Variants in EIF4E observed in about 807,000 individuals in gnomAD.
EIF4E encodes the protein eukaryotic translation initiation factor 4E.
For synonymous variants in EIF4E, 71 were observed against 88.5 expected (o/e 0.80, Z 1.11); for missense variants, 113 against 265.6 (o/e 0.43, Z 3.99).
rs138645913 is a variant in EIF4E, at chr4:98,881,138, C to T, written c.544G>A (p.Val182Ile). ...NREAVTHIGR[V>I]YKERLGLPPK... ...GGAAGTCCTAACCTTTCCTTGTATA[C>T]CCTCCTAGAAGAAAAAAAAAAAGAA... is the stretch of plus-strand genomic sequence containing the variant. Residue 182 changes from valine to isoleucine, a missense_variant, in exon 7 of 7, where the codon GTA becomes ATA. By Grantham distance (29) the Val-to-Ile change is conservative. Coordinates refer to ENST00000450253, the MANE Select transcript of EIF4E (RefSeq NM_001968.5). The T allele has an allele frequency of 2.7e-5, 44 of 1,610,168 alleles. No homozygotes were observed. The highest frequency in any genetic ancestry group is 3.6e-5 in the Non-Finnish European group (43 of 1,179,112).
intron 1 of EIF4E, among the ~76,000 whole-genome samples, chr4:98,919,987 C>G (rs766303860): frequency 3.9e-4 from 60 of 152,210 alleles, no homozygotes; most frequent in Non-Finnish European, 7.5e-4. Flanking sequence ...TCCAAATGCT[C>G]AATTACCATG....
At chr4:98,888,033 C>G in intron 3 of EIF4E, 81 bp from the exon 4 acceptor site, 1 of 1,173,394 alleles carries the variant, frequency 8.5e-7, no homozygotes, top group Non-Finnish European at 1.2e-6. Flanking sequence ...ACATTTAGAA[C>G]ATATGATGAA....
At chr4:98,917,326 C>G (rs759799975) in intron 1 of EIF4E, among the ~76,000 whole-genome samples, 25 of 152,040 alleles carry the variant, frequency 1.6e-4, no homozygotes, top group Non-Finnish European at 3.4e-4. Flanking sequence ...CCAAAGACCA[C>G]TCTCTTACTG....
At chr4:98,900,760 G>A (rs925840742) in intron 2 of EIF4E, among the ~76,000 whole-genome samples, 19 of 152,156 alleles carry the variant, frequency 1.2e-4, no homozygotes, top group African/African-American at 4.1e-4. Context: ...GGAAAGGAGT[G>A]GGAAGAGTTG....
intron 1 of EIF4E, 141 bp downstream of exon 1, chr4:98,928,954 G>A (rs766662779): frequency 6.3e-7 from 1 of 1,578,344 alleles, no homozygotes; most frequent in Admixed American, 1.8e-5. Flanking sequence ...ACTTGTCCGC[G>A]GGAGGTCAGG....
intron 1 of EIF4E, among the ~76,000 whole-genome samples, chr4:98,924,958 G>A (rs925175911): frequency 6.6e-6 from 1 of 152,168 alleles, no homozygotes; most frequent in African/African-American, 2.4e-5. Context: ...AATTTACGTG[G>A]ATTATCGAGG....
intron 1 of EIF4E, among the ~76,000 whole-genome samples, chr4:98,910,396 TTAATA>T (rs1244465719): frequency 1.1e-4 from 17 of 152,230 alleles, no homozygotes; most frequent in African/African-American, 4.1e-4. Context: ...TGCTTTTCAA[TTAATA>T]TAAAATGGCA....
At chr4:98,882,268 T>C (rs1246805216) in intron 6 of EIF4E, among the ~76,000 whole-genome samples, 1 of 151,878 alleles carries the variant, frequency 6.6e-6, no homozygotes, top group African/African-American at 2.4e-5. Flanking sequence ...GGCAGGTGCC[T>C]GTAGTCCCAG....
chr4:98,885,123 G>A (rs1359564477), intron 5 of EIF4E, 62 bp from the exon 6 acceptor site: 1 of 1,546,544 alleles, frequency 6.5e-7, no homozygotes, highest in African/African-American at 1.4e-5. Flanking sequence ...CACTGCAAAT[G>A]TCTCTTCTGT....
At chr4:98,883,455 G>A (rs1048380650) in intron 6 of EIF4E, among the ~76,000 whole-genome samples, 1 of 131,504 alleles carries the variant, frequency 7.6e-6, no homozygotes, top group Non-Finnish European at 1.5e-5. Flanking sequence ...CTGGAGCGCA[G>A]TGGCCCAATC....
intron 5 of EIF4E, among the ~76,000 whole-genome samples, chr4:98,885,849 GTACAACCATCCC>G (rs1243988751): frequency 2.0e-5 from 3 of 152,082 alleles, no homozygotes; most frequent in African/African-American, 7.2e-5. Flanking sequence ...CAACATTGTT[GTACAACCATCCC>G]TACTACCATC....
At chr4:98,886,745 T>C in intron 5 of EIF4E, 2 of 351,978 alleles carry the variant, frequency 5.7e-6, no homozygotes, top group Middle Eastern at 1.0e-3. Flanking sequence ...AAGTTTAGTA[T>C]ACATATAGCA....
chr4:98,899,312 T>A (rs1031939387), intron 2 of EIF4E, among the ~76,000 whole-genome samples: 2 of 152,156 alleles, frequency 1.3e-5, no homozygotes, highest in African/African-American at 2.4e-5. Flanking sequence ...CCACAAATCA[T>A]CAATATGAAA....
intron 5 of EIF4E, chr4:98,886,594 A>C (rs765158500): frequency 2.6e-6 from 1 of 378,992 alleles, no homozygotes; most frequent in Non-Finnish European, 5.2e-6. Context: ...ATGCACCTGT[A>C]GTCCCAGCTA....
At chr4:98,886,460 T>C in intron 5 of EIF4E, 1 of 446,044 alleles carries the variant, frequency 2.2e-6, no homozygotes. Context: ...ACACCTGTAA[T>C]TCCAGCACTT....
intron 1 of EIF4E, among the ~76,000 whole-genome samples, chr4:98,914,664 T>C (rs1018606964): frequency 2.9e-4 from 44 of 152,114 alleles, no homozygotes; most frequent in African/African-American, 1.0e-3. Context: ...TTTTTAGGGC[T>C]TAGTAAAATT....
At chr4:98,918,129 A>C (rs1193781847) in intron 1 of EIF4E, among the ~76,000 whole-genome samples, 1 of 151,744 alleles carries the variant, frequency 6.6e-6, no homozygotes, top group African/African-American at 2.4e-5. Flanking sequence ...TTGGGAGGCC[A>C]AAGTGGGTGG....
chr4:98,881,640 A>C (rs559964083), intron 6 of EIF4E, among the ~76,000 whole-genome samples: 1 of 152,306 alleles, frequency 6.6e-6, no homozygotes, highest in East Asian at 1.9e-4. Flanking sequence ...CAAATATTGT[A>C]TATTACTACA....
chr4:98,920,403 C>T (rs1171115111), intron 1 of EIF4E, among the ~76,000 whole-genome samples: 1 of 152,110 alleles, frequency 6.6e-6, no homozygotes, highest in South Asian at 2.1e-4. Context: ...CAGGTTCAAG[C>T]AATTCTCTTG....
Sources: gnomAD v4.1 joint callset for allele counts (sites outside exome capture counted in the v4.1 genomes callset) on GRCh38, gnomAD v4.1.1 for gene constraint, MANE v1.5 for transcripts, NCBI Gene and HGNC (gene_info 2026-07-23, HGNC 2026-07-21) for gene names.